JARID2: variants seen among roughly 807,000 people sequenced by gnomAD.
JARID2 encodes jumonji and AT-rich interaction domain containing 2.
Under a neutral mutation model 125.6 loss-of-function variants are expected in JARID2, and 21 were observed. That is an observed-to-expected ratio of 0.17 (90% CI 0.12 to 0.24). The LOEUF is 0.24. Among genes scored for constraint, JARID2 ranks in the 10% least tolerant of loss-of-function variants. The pLI, the probability that JARID2 is intolerant of heterozygous loss-of-function variation, is 1.00. For synonymous variants in JARID2, 736 were observed against 661.6 expected, an observed-to-expected ratio of 1.11 and a Z score of -1.73; for missense variants, 1,303 against 1,639.6, an observed-to-expected ratio of 0.79 and a Z score of 3.55.
chr6:15,349,599 A>G (rs1763357656), intron 1 of JARID2, among the ~76,000 whole-genome samples: 4 of 152,148 alleles, frequency 2.6e-5, no homozygotes, highest in Admixed American at 6.5e-5. Flanking sequence ...CTTTTGACTC[A>G]TCACGCGTGA....
At chr6:15,300,111 C>G (rs1761551509) in intron 1 of JARID2, among the ~76,000 whole-genome samples, 1 of 152,164 alleles carries the variant, frequency 6.6e-6, no homozygotes, top group Non-Finnish European at 1.5e-5. Flanking sequence ...GAAGAAACCT[C>G]TGATTTAGGG....
At chr6:15,399,882 C>T (rs535779079) in intron 2 of JARID2, among the ~76,000 whole-genome samples, 5 of 152,276 alleles carry the variant, frequency 3.3e-5, no homozygotes, top group South Asian at 4.1e-4. Context: ...TGAAGAGAAG[C>T]ATGTGGTAGT....
intron 1 of JARID2, among the ~76,000 whole-genome samples, chr6:15,267,327 A>G (rs866419563): frequency 1.3e-5 from 2 of 152,172 alleles, no homozygotes; most frequent in Non-Finnish European, 1.5e-5. Context: ...TTTTATCTAC[A>G]TAGAGATAGC....
intron 2 of JARID2, among the ~76,000 whole-genome samples, chr6:15,388,358 C>CAGAAGCA (rs1764867670): frequency 6.6e-6 from 1 of 151,964 alleles, no homozygotes; most frequent in Non-Finnish European, 1.5e-5. Context: ...GGAAATTACC[C>CAGAAGCA]TACAGTTCAT....
intron 3 of JARID2, among the ~76,000 whole-genome samples, chr6:15,411,736 GGCATCTGGCAT>G (rs745661721): frequency 2.0e-4 from 31 of 152,300 alleles, no homozygotes; most frequent in Admixed American, 9.2e-4. Context: ...CTCCAACATG[GGCATCTGGCAT>G]GCATCTGGCA....
At chr6:15,296,741 C>T (rs1433160869) in intron 1 of JARID2, among the ~76,000 whole-genome samples, 1 of 152,202 alleles carries the variant, frequency 6.6e-6, no homozygotes, top group Non-Finnish European at 1.5e-5. Flanking sequence ...TAACATGTCC[C>T]CATCGTCCTC....
At chr6:15,276,668 C>T (rs1760533244) in intron 1 of JARID2, among the ~76,000 whole-genome samples, 1 of 152,040 alleles carries the variant, frequency 6.6e-6, no homozygotes, top group African/African-American at 2.4e-5. Flanking sequence ...GATCTTTTTT[C>T]ATTAGGTCAG....
chr6:15,342,743 T>C (rs986937191), intron 1 of JARID2, among the ~76,000 whole-genome samples: 1 of 152,226 alleles, frequency 6.6e-6, no homozygotes, highest in Non-Finnish European at 1.5e-5. Flanking sequence ...ATTATTCAAC[T>C]AGCTTCTTCT....
intron 4 of JARID2, among the ~76,000 whole-genome samples, chr6:15,464,386 T>A (rs987424367): frequency 6.6e-6 from 1 of 152,186 alleles, no homozygotes; most frequent in Non-Finnish European, 1.5e-5. Context: ...ATGACGTTGA[T>A]GAGATGGACA....
intron 4 of JARID2, among the ~76,000 whole-genome samples, chr6:15,457,811 T>C (rs1244932097): frequency 1.3e-5 from 2 of 152,154 alleles, no homozygotes; most frequent in African/African-American, 4.8e-5. Flanking sequence ...CTGGGATTAG[T>C]ATAGATATGT....
At chr6:15,476,878 A>G (rs1769366745) in intron 5 of JARID2, among the ~76,000 whole-genome samples, 2 of 152,110 alleles carry the variant, frequency 1.3e-5, no homozygotes, top group Non-Finnish European at 2.9e-5. Flanking sequence ...ATAATTGGTT[A>G]TTTTTTCCAG....
chr6:15,511,424 TC>T, intron 13 of JARID2, 23 bp downstream of exon 13: 1 of 1,532,728 alleles, frequency 6.5e-7, no homozygotes, highest in Non-Finnish European at 9.0e-7. Context: ...AGCCACCGCC[TC>T]CAGCAGGAGC....
intron 3 of JARID2, among the ~76,000 whole-genome samples, chr6:15,440,110 TC>T (rs1475941376): frequency 6.6e-6 from 1 of 152,242 alleles, no homozygotes; most frequent in Non-Finnish European, 1.5e-5. Context: ...GATATTCTCG[TC>T]CGACCCTTTG....
intron 1 of JARID2, among the ~76,000 whole-genome samples, chr6:15,319,367 T>C (rs1581407156): frequency 6.6e-6 from 1 of 152,210 alleles, no homozygotes; most frequent in East Asian, 1.9e-4. Flanking sequence ...CCATTTTGTG[T>C]CTGAGTGACA....
chr6:15,259,650 G>A (rs879548157), intron 1 of JARID2, among the ~76,000 whole-genome samples: 14 of 152,216 alleles, frequency 9.2e-5, no homozygotes, highest in Admixed American at 7.9e-4. Flanking sequence ...ACTTAGGACA[G>A]GGGTTAGATG....
intron 5 of JARID2, among the ~76,000 whole-genome samples, chr6:15,473,307 A>G (rs1769165740): frequency 6.6e-6 from 1 of 152,212 alleles, no homozygotes; most frequent in Non-Finnish European, 1.5e-5. Context: ...GATAGCACAG[A>G]TGAACACGGC....
At chr6:15,406,439 G>T (rs1037850791) in intron 2 of JARID2, among the ~76,000 whole-genome samples, 1 of 152,126 alleles carries the variant, frequency 6.6e-6, no homozygotes. Context: ...TCTCAAGGTC[G>T]GGGGAGAGGG....
At chr6:15,476,044 C>T (rs751554587) in intron 5 of JARID2, among the ~76,000 whole-genome samples, 1 of 152,134 alleles carries the variant, frequency 6.6e-6, no homozygotes, top group African/African-American at 2.4e-5. Flanking sequence ...TTGTGCTTTT[C>T]CCTATTTTGT....
chr6:15,315,480 T>C (rs1762148255), intron 1 of JARID2, among the ~76,000 whole-genome samples: 1 of 152,322 alleles, frequency 6.6e-6, no homozygotes, highest in African/African-American at 2.4e-5. Context: ...GTGGGAATCA[T>C]AGTGCAGTCA....
Sources: gnomAD v4.1 joint callset for allele counts (sites outside exome capture counted in the v4.1 genomes callset) on GRCh38, gnomAD v4.1.1 for gene constraint, MANE v1.5 for transcripts, NCBI Gene and HGNC (gene_info 2026-07-23, HGNC 2026-07-21) for gene names.